PRR5L: variants seen among roughly 807,000 people sequenced by gnomAD.
PRR5L encodes the protein proline-rich protein 5-like.
PRR5L carries 21 observed loss-of-function variants against 36.4 expected under a neutral mutation model. The ratio of observed to expected loss-of-function variants is 0.58; its 90% CI spans 0.41 to 0.83. The LOEUF is 0.83. PRR5L is among the 40% of genes least tolerant of loss of function. PRR5L has a pLI of 0.00. For synonymous variants in PRR5L, 188 were observed against 197.0 expected (o/e 0.95, Z 0.38); for missense variants, 381 against 473.3 (o/e 0.80, Z 1.81).
intron 1 of PRR5L, among the ~76,000 whole-genome samples, chr11:36,351,311 TA>T (rs1856944238): frequency 2.6e-5 from 2 of 77,872 alleles, no homozygotes; most frequent in African/African-American, 5.0e-5. Flanking sequence ...TATATATTTA[TA>T]TATATTTATA....
intron 1 of PRR5L, among the ~76,000 whole-genome samples, chr11:36,334,179 C>A (rs1856746988): frequency 6.6e-6 from 1 of 152,170 alleles, no homozygotes; most frequent in South Asian, 2.1e-4. Flanking sequence ...GCAAAGGAGG[C>A]TGGGAAATGT....
chr11:36,309,919 G>T (rs148847646), intron 1 of PRR5L, among the ~76,000 whole-genome samples: 27 of 3,222 alleles, frequency 8.4e-3, no homozygotes, highest in Non-Finnish European at 0.017. Context: ...TAGTTATGTG[G>T]CAATTCTTTG....
rs758149319 is a variant in PRR5L, at chr11:36,381,082, ATTC to A, written c.-125-19909_-125-19907del. Among the ~76,000 whole-genome samples, 7 of 152,334 alleles carry A rather than the reference ATTC, an allele frequency of 4.6e-5. No individual in the cohort carries two copies. In the South Asian group the frequency reaches 6.2e-4, roughly 14 times the overall value. ...CGTGTATTAAACTTGCAAAGCTTTC[ATTC>A]TTCTTTTTCTCCCCTCAATTTTGAG... On this transcript the variant is annotated intron_variant, in intron 1 of 8. Coordinates refer to ENST00000530639, the MANE Select transcript of PRR5L (RefSeq NM_001160167.2).
chr11:36,333,148 T>G (rs1479525246), intron 1 of PRR5L, among the ~76,000 whole-genome samples: 1 of 152,210 alleles, frequency 6.6e-6, no homozygotes, highest in East Asian at 1.9e-4. Flanking sequence ...TAAGGACAAC[T>G]TAAAATTTTA....
chr11:36,431,426 C>A (rs968606713), intron 4 of PRR5L, among the ~76,000 whole-genome samples: 5 of 152,002 alleles, frequency 3.3e-5, no homozygotes, highest in African/African-American at 1.2e-4. Flanking sequence ...CAGTCTCTTT[C>A]ATGCTAGTGT....
intron 8 of PRR5L, 131 bp downstream of exon 8, chr11:36,451,466 C>A (rs528643041): frequency 8.9e-7 from 1 of 1,122,112 alleles, no homozygotes; most frequent in Non-Finnish European, 1.3e-6. Context: ...GCTTCCTGTG[C>A]GGGTCAGTGC....
In PRR5L at chr11:36,428,753, G is replaced by A. The variant is rs565345344; in HGVS notation, c.295-3100G>A. ...ATCTACAGACTCCTGGGGGCAGGGG[G>A]TTATATAAGGATTTTCAAGATGCCT... On this transcript the variant is annotated intron_variant, in intron 4 of 8. Coordinates refer to ENST00000530639, the MANE Select transcript of PRR5L (RefSeq NM_001160167.2). Among the ~76,000 whole-genome samples the A allele has an allele frequency of 1.1e-4, 16 of 152,254 alleles. No individual in the cohort carries two copies. In the South Asian group the frequency reaches 3.3e-3, roughly 32 times the overall value.
At chr11:36,319,314 G>A (rs1315949292) in intron 1 of PRR5L, among the ~76,000 whole-genome samples, 2 of 152,212 alleles carry the variant, frequency 1.3e-5, no homozygotes, top group African/African-American at 2.4e-5. Flanking sequence ...ACAGGGAAGA[G>A]CCTGAGAATA....
At chr11:36,399,171 T>C (rs1013541446) in intron 1 of PRR5L, among the ~76,000 whole-genome samples, 1 of 152,188 alleles carries the variant, frequency 6.6e-6, no homozygotes, top group African/African-American at 2.4e-5. Context: ...TGCTGAGGCC[T>C]TCTGAAACTT....
At chr11:36,320,983 T>A (rs1856608926) in intron 1 of PRR5L, among the ~76,000 whole-genome samples, 1 of 152,232 alleles carries the variant, frequency 6.6e-6, no homozygotes, top group Non-Finnish European at 1.5e-5. Flanking sequence ...AAAGAAAGTT[T>A]CTCCTATTTT....
chr11:36,301,293 A>G (rs1856373763), intron 1 of PRR5L, among the ~76,000 whole-genome samples: 2 of 152,118 alleles, frequency 1.3e-5, no homozygotes, highest in Admixed American at 1.3e-4. Context: ...TCTGAAGCAG[A>G]GTTGTGACCA....
At chr11:36,323,281 CATT>C (rs1002235069) in intron 1 of PRR5L, 6 of 152,206 alleles carry the variant, frequency 3.9e-5, no homozygotes, top group African/African-American at 1.2e-4. Flanking sequence ...GTTCTCGTAT[CATT>C]GAGTCCCTGT....
chr11:36,319,432 CTA>C (rs2133462268), intron 1 of PRR5L, among the ~76,000 whole-genome samples: 1 of 152,342 alleles, frequency 6.6e-6, no homozygotes, highest in East Asian at 1.9e-4. Context: ...TTTAATCTAC[CTA>C]AGTCAGGGAT....
intron 6 of PRR5L, among the ~76,000 whole-genome samples, chr11:36,440,296 A>G (rs1858693826): frequency 6.6e-6 from 1 of 152,206 alleles, no homozygotes. Flanking sequence ...CAGTTCTAAC[A>G]TAAATGGTTG....
chr11:36,457,716 C>T (rs988215380), intron 8 of PRR5L, among the ~76,000 whole-genome samples: 5 of 152,184 alleles, frequency 3.3e-5, no homozygotes, highest in Admixed American at 6.5e-5. Flanking sequence ...TGCACAAACC[C>T]CTCCTGGCAG....
Position 36,400,985 on chromosome 11 carries a change from C to T in PRR5L, c.-125-12C>T. 1 of 1,437,814 alleles carries T rather than the reference C, an allele frequency of 7.0e-7. No homozygotes were observed. Among genetic ancestry groups the T allele is most frequent in the Non-Finnish European group, 9.1e-7 (1 of 1,095,200 alleles). The allele number at this position is 1,437,814 out of a possible 1,614,324, so 89.1% of individuals were successfully genotyped here. On this transcript the variant is annotated splice_polypyrimidine_tract_variant and intron_variant, in intron 1 of 8. Transcript: ENST00000530639. The stretch of plus-strand genomic sequence containing the variant: ...CCAGGAGTTCTCAATAAAAGCTTCC[C>T]TCTCTTTTCAGGTGTTGGCTACGTT...
intron 4 of PRR5L, among the ~76,000 whole-genome samples, chr11:36,421,313 C>T (rs1056447848): frequency 5.3e-5 from 8 of 152,104 alleles, no homozygotes; most frequent in Admixed American, 5.2e-4. Context: ...ATCTGGGAAG[C>T]CTTGAGGTTT....
At chr11:36,428,599 G>C (rs1858430867) in intron 4 of PRR5L, among the ~76,000 whole-genome samples, 1 of 152,182 alleles carries the variant, frequency 6.6e-6, no homozygotes, top group Non-Finnish European at 1.5e-5. Context: ...TCCTTACTCT[G>C]ATAGTGTGTG....
At chr11:36,430,257 C>A (rs1315445520) in intron 4 of PRR5L, among the ~76,000 whole-genome samples, 1 of 151,944 alleles carries the variant, frequency 6.6e-6, no homozygotes, top group African/African-American at 2.4e-5. Flanking sequence ...CAAAAAAGTA[C>A]AAAAATTAGC....
Sources: gnomAD v4.1 joint callset for allele counts (sites outside exome capture counted in the v4.1 genomes callset) on GRCh38, gnomAD v4.1.1 for gene constraint, MANE v1.5 for transcripts, NCBI Gene and HGNC (gene_info 2026-07-23, HGNC 2026-07-21) for gene names.